Variants in FBXO27 observed in about 807,000 individuals in gnomAD.
FBXO27 encodes F-box protein 27.
A neutral mutation model predicts 28.3 loss-of-function variants in FBXO27; 28 were observed. The ratio of observed to expected loss-of-function variants is 0.99; its 90% CI spans 0.73 to 1.36. FBXO27 has a LOEUF of 1.36. Among genes scored for constraint, FBXO27 ranks in the 40% most tolerant of loss-of-function variants. FBXO27 has a pLI of 0.00. For synonymous variants in FBXO27, 175 were observed against 167.3 expected (o/e 1.05, Z -0.36); for missense variants, 388 against 394.1 (o/e 0.98, Z 0.13).
rs535551126 is a variant in FBXO27 at position 39,030,761 on chromosome 19, C to G, written c.572+268G>C. The G allele has an allele frequency of 1.9e-3, 929 of 477,494 alleles. 19 individuals carry two copies. In the South Asian group the frequency reaches 0.019, roughly 10 times the overall value. The allele number at this position is 477,494 out of a possible 1,614,324, so 29.6% of individuals were successfully genotyped here. On this transcript the variant is annotated intron_variant, in intron 4 of 5. Coordinates refer to ENST00000292853, the MANE Select transcript of FBXO27 (RefSeq NM_178820.5). ...GGGACTACAGGTGTGCACTACCAGGCCCGGCTAATTTTTTTTTTGTATTTT... is the reference window on the plus strand; with the variant it reads ...GGGACTACAGGTGTGCACTACCAGGGCCGGCTAATTTTTTTTTTGTATTTT...
In FBXO27 at chr19:39,031,096, G is replaced by A; in HGVS notation, c.505C>T (p.Leu169=). ...SWCCKKQVLD[L]EEEGLWPELL... ...TCTGGCCACAGACCCTCCTCCTCTA[G>A]GTCCAAGACCTGCTTCTTGCAACAC... The change falls in exon 4 of 6, where the codon CTA becomes TTA. Residue 169 remains leucine, a synonymous_variant. Coordinates refer to ENST00000292853, the MANE Select transcript of FBXO27 (RefSeq NM_178820.5). 1.9e-6 allele frequency: 3 copies of A among 1,614,090 alleles called. No homozygotes were observed. Among genetic ancestry groups the A allele is most frequent in the Non-Finnish European group, 2.5e-6 (3 of 1,180,016 alleles).
intron 1 of FBXO27, among the ~76,000 whole-genome samples, chr19:39,016,900 T>G (rs575239873): frequency 6.1e-4 from 93 of 151,902 alleles, no homozygotes; most frequent in African/African-American, 2.2e-3. Context: ...CAAGGGCTTA[T>G]TAGCAAACTA....
At chr19:39,021,899 G>C (rs1208663618), downstream of FBXO27, among the ~76,000 whole-genome samples, 2 of 151,986 alleles carry the variant, frequency 1.3e-5, no homozygotes, top group African/African-American at 4.8e-5. Flanking sequence ...CTGACCTTGT[G>C]ATCCACCTGC....
chr19:39,015,637 G>A (rs78548161), intron 1 of FBXO27, among the ~76,000 whole-genome samples: 1 of 151,984 alleles, frequency 6.6e-6, no homozygotes, highest in African/African-American at 2.4e-5. Flanking sequence ...GTCTCTAAAA[G>A]TGATCTATCA....
Position 39,025,214 on chromosome 19 carries a change from A to T in FBXO27, c.*197T>A. 1.6e-6 allele frequency: 1 copy of T among 629,328 alleles called. No homozygotes were observed. Among genetic ancestry groups the T allele is most frequent in the Non-Finnish European group, 2.6e-6 (1 of 385,468 alleles). 39.0% of individuals were successfully genotyped at this position (629,328 alleles called of 1,614,324 possible). On this transcript the variant is annotated 3_prime_UTR_variant, in exon 6 of 6. Coordinates refer to ENST00000292853, the MANE Select transcript of FBXO27 (RefSeq NM_178820.5). ...CCGCAAAGCAGCAGCTGCAGTAGGT[A>T]GATAAGATGGAAGAAGCTTCTTCTG...
intron 2 of FBXO27, 98 bp downstream of exon 2, chr19:39,031,766 G>A (rs1017791434): frequency 3.5e-6 from 4 of 1,148,786 alleles, no homozygotes; most frequent in Admixed American, 5.6e-5. Flanking sequence ...CTGCCCCTGC[G>A]GCCCCTAGTA....
In FBXO27 at chr19:39,031,098, T is replaced by A. The variant is rs147557604; in HGVS notation, c.503A>T (p.Asp168Val). ...TGGCCACAGACCCTCCTCCTCTAGG[T>A]CCAAGACCTGCTTCTTGCAACACCA... Reference protein sequence around the residue: ...FSWCCKKQVLDLEEEGLWPEL... With the variant: ...FSWCCKKQVLVLEEEGLWPEL... The change falls in exon 4 of 6, where the codon GAC becomes GTC. Residue 168 changes from aspartate (D) to valine (V), a missense_variant. By Grantham distance (152) the Asp-to-Val change is radical. Coordinates refer to ENST00000292853, the MANE Select transcript of FBXO27 (RefSeq NM_178820.5). 1.2e-4 allele frequency: 201 copies of A among 1,614,030 alleles called. No individual in the cohort carries two copies. Among genetic ancestry groups the A allele is most frequent in the Middle Eastern group, 8.2e-4 (5 of 6,062 alleles).
chr19:39,013,355 C>T (rs906968525), intron 2 of FBXO27, among the ~76,000 whole-genome samples: 9 of 152,160 alleles, frequency 5.9e-5, no homozygotes, highest in Admixed American at 4.6e-4. Flanking sequence ...GATGGCCAGG[C>T]GCGGTGGCTC....
chr19:39,031,753 GCCCTGC>G, intron 2 of FBXO27, 105 bp downstream of exon 2: 2 of 1,110,732 alleles, frequency 1.8e-6, no homozygotes, highest in Admixed American at 6.1e-5. Context: ...TCCCACTGCG[GCCCTGC>G]CCCTGCGGCC....
chr19:39,025,632 TG>T, intron 5 of FBXO27, 78 bp from the exon 6 acceptor site: 3 of 1,503,682 alleles, frequency 2.0e-6, no homozygotes, highest in Non-Finnish European at 2.7e-6. Flanking sequence ...TTCTGGAAGA[TG>T]GTTATTTTCC....
intron 4 of FBXO27, 111 bp downstream of exon 4, chr19:39,030,918 A>AT (rs1377830753): frequency 6.5e-6 from 6 of 929,284 alleles, no homozygotes; most frequent in East Asian, 2.4e-5. Context: ...TGAACTTCAG[A>AT]TTTTTTATCT....
chr19:39,027,600 AG>A (rs1440646470), intron 4 of FBXO27, among the ~76,000 whole-genome samples: 2 of 152,100 alleles, frequency 1.3e-5, no homozygotes, highest in African/African-American at 4.8e-5. Context: ...GTAATAAACC[AG>A]AAGTGTGTAG....
Position 39,025,364 on chromosome 19 carries a change from C to T in FBXO27, c.*47G>A. 1.3e-6 allele frequency: 2 copies of T among 1,586,600 alleles called. No individual in the cohort carries two copies. The highest frequency in any genetic ancestry group is 1.7e-6 in the Non-Finnish European group (2 of 1,162,978). Reference sequence around the variant, plus strand: ...AGGGGTCCCAGCCAATGGTCCCAGGCCCTGGAAGGCACAGTCAGGCTGTCT... The same window carrying T: ...AGGGGTCCCAGCCAATGGTCCCAGGTCCTGGAAGGCACAGTCAGGCTGTCT... On this transcript the variant is annotated 3_prime_UTR_variant, in exon 6 of 6. Coordinates refer to ENST00000292853, the MANE Select transcript of FBXO27 (RefSeq NM_178820.5).
At chr19:39,021,064 C>G (rs771528868), downstream of FBXO27, among the ~76,000 whole-genome samples, 9 of 152,106 alleles carry the variant, frequency 5.9e-5, 1 homozygote, top group Non-Finnish European at 1.3e-4. Context: ...GTTGGCCAGG[C>G]TGGTCTCGAA....
intron 1 of FBXO27, among the ~76,000 whole-genome samples, chr19:39,017,096 T>G (rs1026916289): frequency 6.6e-6 from 1 of 152,010 alleles, no homozygotes. Context: ...ACAAATAATT[T>G]TTTTGCTTTA....
intron 2 of FBXO27, among the ~76,000 whole-genome samples, chr19:39,010,991 C>T (rs189918572): frequency 7.2e-5 from 11 of 152,344 alleles, no homozygotes; most frequent in Non-Finnish European, 1.3e-4. Flanking sequence ...ATTACTGTAG[C>T]TTTGTAGTAA....
chr19:39,025,715 T>C (rs1036953026), intron 5 of FBXO27, among the ~76,000 whole-genome samples, 161 bp from the exon 6 acceptor site: 6 of 152,104 alleles, frequency 3.9e-5, no homozygotes, highest in African/African-American at 1.4e-4. Context: ...CACTCCCTCA[T>C]TAAAAAGTAG....
At chr19:39,015,351 CTG>C (rs2072814930) in intron 1 of FBXO27, among the ~76,000 whole-genome samples, 2 of 113,432 alleles carry the variant, frequency 1.8e-5, no homozygotes, top group Non-Finnish European at 1.7e-5. Context: ...AAAAAAAAGG[CTG>C]AGTGTGGTGG....
At chr19:39,022,110 C>T (rs78978029), downstream of FBXO27, among the ~76,000 whole-genome samples, 12,657 of 140,710 alleles carry the variant, frequency 0.09, 685 homozygotes, top group Non-Finnish European at 0.13. Flanking sequence ...CTTTTTGAAA[C>T]TTTGTGGAAG....
Sources: gnomAD v4.1 joint callset for allele counts (sites outside exome capture counted in the v4.1 genomes callset) on GRCh38, gnomAD v4.1.1 for gene constraint, MANE v1.5 for transcripts, NCBI Gene and HGNC (gene_info 2026-07-23, HGNC 2026-07-21) for gene names.